COG5: variants seen among roughly 807,000 people sequenced by gnomAD.
The protein encoded by COG5 is conserved oligomeric Golgi complex subunit 5.
In COG5, 86 loss-of-function variants were observed where a neutral mutation model predicts 110.4. The ratio of observed to expected loss-of-function variants is 0.78; its 90% CI spans 0.65 to 0.93. COG5 has a LOEUF of 0.93. Ranked by LOEUF, COG5 falls within the 40% of genes least tolerant of loss-of-function variation. The probability of loss-of-function intolerance (pLI) is 0.00; values close to 1 mark genes in which losing one functional copy is unlikely to be tolerated. For missense variants in COG5, 1,077 were observed against 987.0 expected, an observed-to-expected ratio of 1.09 and a Z score of -1.22; for synonymous variants, 360 against 334.6, an observed-to-expected ratio of 1.08 and a Z score of -0.83.
chr7:107,454,306 C>T (rs570221501), intron 6 of COG5, among the ~76,000 whole-genome samples: 4 of 152,158 alleles, frequency 2.6e-5, no homozygotes, highest in Non-Finnish European at 4.4e-5. Flanking sequence ...AGATGGAAGT[C>T]TAGTACTGTG....
At chr7:107,211,057 GGAAGA>G in intron 20 of COG5, 37 bp downstream of exon 20, 1 of 1,609,666 alleles carries the variant, frequency 6.2e-7, no homozygotes, top group South Asian at 1.1e-5. Flanking sequence ...ACAGGTAATG[GGAAGA>G]GTCACAAAAG....
At chr7:107,526,012 A>G (rs1800704722) in intron 6 of COG5, among the ~76,000 whole-genome samples, 1 of 152,236 alleles carries the variant, frequency 6.6e-6, no homozygotes, top group South Asian at 2.1e-4. Flanking sequence ...TTGAAGCATT[A>G]TTTGTGAAGG....
At chr7:107,208,144 G>A (rs1798907817) in intron 21 of COG5, 2 of 985,308 alleles carry the variant, frequency 2.0e-6, no homozygotes, top group Non-Finnish European at 2.4e-6. Context: ...CCAAGAGCCT[G>A]GGGTGCAGCA....
chr7:107,230,349 A>C (rs1023183471), intron 19 of COG5, among the ~76,000 whole-genome samples: 1 of 152,172 alleles, frequency 6.6e-6, no homozygotes, highest in African/African-American at 2.4e-5. Context: ...AATAAAAAAA[A>C]AAATTCTCCC....
Position 107,203,225 on chromosome 7 carries a change from A to AGGAG in COG5, c.*287_*290dup. The AGGAG allele has an allele frequency of 4.7e-6, 2 of 428,574 alleles. No homozygotes were observed. The highest frequency in any genetic ancestry group is 8.7e-6 in the Non-Finnish European group (2 of 230,956). 26.5% of individuals were successfully genotyped at this position (428,574 alleles called of 1,614,324 possible). The stretch of plus-strand genomic sequence containing the variant: ...GGGGACTTTGGGTTTATGTACCCAT[A>AGGAG]GGAGGACTTGGTTATGGATGGGAAA... On this transcript the variant is annotated 3_prime_UTR_variant, in exon 22 of 22. Transcript: ENST00000297135.
chr7:107,459,376 C>T (rs61566414), intron 6 of COG5, among the ~76,000 whole-genome samples: 8 of 151,258 alleles, frequency 5.3e-5, no homozygotes, highest in African/African-American at 1.2e-4. Flanking sequence ...TGCATGCACC[C>T]GATAAAAACA....
At chr7:107,552,016 G>C (rs1802927756) in intron 3 of COG5, among the ~76,000 whole-genome samples, 1 of 152,192 alleles carries the variant, frequency 6.6e-6, no homozygotes, top group Non-Finnish European at 1.5e-5. Flanking sequence ...TCACACAAGA[G>C]ATAATCATTC....
At chr7:107,447,514 G>GA (rs1795078689) in intron 6 of COG5, among the ~76,000 whole-genome samples, 1 of 152,142 alleles carries the variant, frequency 6.6e-6, no homozygotes, top group Non-Finnish European at 1.5e-5. Context: ...AAAGTGTCCT[G>GA]AAGTTATTAA....
At chr7:107,271,882 A>G (rs1313427435) in intron 14 of COG5, among the ~76,000 whole-genome samples, 3 of 151,858 alleles carry the variant, frequency 2.0e-5, no homozygotes, top group Admixed American at 2.0e-4. Flanking sequence ...AATGATTTGA[A>G]TTTTGCTGAA....
chr7:107,519,203 G>C (rs1435729639), intron 6 of COG5, among the ~76,000 whole-genome samples: 4 of 152,194 alleles, frequency 2.6e-5, no homozygotes, highest in Non-Finnish European at 4.4e-5. Context: ...AAGCAGGAAA[G>C]ATCTAAAATC....
chr7:107,207,952 A>G, intron 21 of COG5: 1 of 985,460 alleles, frequency 1.0e-6, no homozygotes, highest in Non-Finnish European at 1.2e-6. Flanking sequence ...CAGAATGAGT[A>G]TACAACAAGG....
chr7:107,287,568 C>T (rs973193766), intron 12 of COG5, among the ~76,000 whole-genome samples: 1 of 152,190 alleles, frequency 6.6e-6, no homozygotes, highest in Non-Finnish European at 1.5e-5. Context: ...GTGCTATCAT[C>T]ACCACAGTCA....
chr7:107,408,859 T>C (rs1054589818), intron 7 of COG5, among the ~76,000 whole-genome samples: 1 of 152,166 alleles, frequency 6.6e-6, no homozygotes, highest in Non-Finnish European at 1.5e-5. Context: ...TGTGCCCAAC[T>C]TGCCCAATTC....
At chr7:107,334,942 A>G (rs963407211) in intron 10 of COG5, among the ~76,000 whole-genome samples, 1 of 152,180 alleles carries the variant, frequency 6.6e-6, no homozygotes, top group African/African-American at 2.4e-5. Flanking sequence ...GAAAAACAAT[A>G]ATAGCTATAG....
In COG5 at chr7:107,207,956, A is replaced by G. The variant is rs986622664; in HGVS notation, c.2375+2570T>C. 3 of 985,308 alleles carry G rather than the reference A, an allele frequency of 3.0e-6. No individual in the cohort carries two copies. In the African/African-American group the frequency reaches 5.2e-5, roughly 17 times the overall value. The allele number at this position is 985,308 out of a possible 1,614,324, so 61.0% of individuals were successfully genotyped here. A position where few individuals can be genotyped will look rare whatever the true frequency, so the allele number is the denominator to read the frequency against. ...GCTGGGAGGAACAGAATGAGTATAC[A>G]ACAAGGTTTGCCCCAGAAGCTAAAA... On this transcript the variant is annotated intron_variant, in intron 21 of 21. Coordinates refer to ENST00000297135, the MANE Select transcript of COG5 (RefSeq NM_006348.5).
intron 1 of COG5, chr7:107,563,557 G>C: frequency 2.1e-6 from 1 of 475,838 alleles, no homozygotes; most frequent in South Asian, 2.3e-5. Flanking sequence ...GGGGGGGGGG[G>C]GTCGAGTTGA....
At chr7:107,311,991 G>C (rs1372504165) in intron 11 of COG5, among the ~76,000 whole-genome samples, 2 of 151,584 alleles carry the variant, frequency 1.3e-5, no homozygotes, top group Admixed American at 1.3e-4. Context: ...GATCCACTTG[G>C]AATTTACCCT....
At chr7:107,320,155 T>A (rs1243987053) in intron 11 of COG5, among the ~76,000 whole-genome samples, 1 of 152,142 alleles carries the variant, frequency 6.6e-6, no homozygotes, top group African/African-American at 2.4e-5. Context: ...AAAAATTGTG[T>A]CAACACTGAA....
In COG5 at chr7:107,417,118, G is replaced by C. The variant is rs567167709; in HGVS notation, c.539-4486C>G. Reference sequence around the variant, plus strand: ...AGGAAAAACTGAGGTACAGGGTCTGGGCAGCTGGCGACAGTCACCAACAAA... The same window carrying C: ...AGGAAAAACTGAGGTACAGGGTCTGCGCAGCTGGCGACAGTCACCAACAAA... On this transcript the variant is annotated intron_variant, in intron 6 of 21. Coordinates refer to ENST00000297135, the MANE Select transcript of COG5 (RefSeq NM_006348.5). 3.9e-5 allele frequency among the ~76,000 whole-genome samples: 6 copies of C among 152,196 alleles called. No individual in the cohort carries two copies. In the South Asian group the frequency reaches 1.2e-3, roughly 32 times the overall value.
Sources: allele counts gnomAD v4.1 joint callset (sites outside exome capture counted in the v4.1 genomes callset), GRCh38; gene constraint gnomAD v4.1.1; transcripts MANE v1.5; gene names NCBI Gene and HGNC (gene_info 2026-07-23, HGNC 2026-07-21).